Variants in INSL5 observed in about 807,000 individuals in gnomAD.
INSL5 encodes the protein insulin like 5, also known as insulin-like peptide INSL5.
A neutral mutation model predicts 4.3 loss-of-function variants in INSL5; 3 were observed. That is an observed-to-expected ratio of 0.70 (90% CI 0.32 to 1.82). The LOEUF is 1.82. INSL5 is among the 40% of genes most tolerant of loss of function. The probability of loss-of-function intolerance (pLI) is 0.08; values close to 1 mark genes in which losing one functional copy is unlikely to be tolerated. For synonymous variants in INSL5, 68 were observed against 56.6 expected (o/e 1.20, Z -0.90); for missense variants, 168 against 160.9 (o/e 1.04, Z -0.24).
In INSL5 at chr1:66,797,887, AAAG is replaced by A. The variant is rs1414989269; in HGVS notation, c.*123_*125del. 1.5e-6 allele frequency: 1 copy of A among 667,622 alleles called. No individual in the cohort carries two copies. Among genetic ancestry groups the A allele is most frequent in the Non-Finnish European group, 2.6e-6 (1 of 387,072 alleles). The allele number at this position is 667,622 out of a possible 1,614,324, so 41.4% of individuals were successfully genotyped here. A position where few individuals can be genotyped will look rare whatever the true frequency, so the allele number is the denominator to read the frequency against. On this transcript the variant is annotated 3_prime_UTR_variant, in exon 2 of 2. Coordinates refer to ENST00000304526, the MANE Select transcript of INSL5 (RefSeq NM_005478.6). Reference sequence around the variant, plus strand: ...CAACCGCTCAGCTATACCTTTTAGAAAAGAAGTTTTGCCTACCCAAAAGCCATC... The same window carrying A: ...CAACCGCTCAGCTATACCTTTTAGAAAAGTTTTGCCTACCCAAAAGCCATC...
chr1:66,799,005 A>G (rs1166269084), intron 1 of INSL5, among the ~76,000 whole-genome samples: 1 of 152,190 alleles, frequency 6.6e-6, no homozygotes, highest in African/African-American at 2.4e-5. Flanking sequence ...TTGGTTTGCT[A>G]TTACAGAGAT....
At chr1:66,800,985 G>C (rs1322778744) in intron 1 of INSL5, 62 bp downstream of exon 1, 18 of 1,267,072 alleles carry the variant, frequency 1.4e-5, no homozygotes, top group Non-Finnish European at 2.0e-5. Context: ...TTAAAACACA[G>C]CTTGAAAAAA....
At chr1:66,799,147 C>T (rs531515268) in intron 1 of INSL5, among the ~76,000 whole-genome samples, 72 of 152,262 alleles carry the variant, frequency 4.7e-4, no homozygotes, top group African/African-American at 1.7e-3. Context: ...TTTTTCAACA[C>T]ATTAGCCCAC....
rs933704824 is a variant in INSL5, at chr1:66,801,006, A to G, written c.175+41T>C. ...CACAGCTTGAAAAAATAAAAGAGAC[A>G]TGTGAAAGGAAAATAGAGGAGACAC... is the stretch of plus-strand genomic sequence containing the variant. On this transcript the variant is annotated intron_variant, in intron 1 of 1. Coordinates refer to ENST00000304526, the MANE Select transcript of INSL5 (RefSeq NM_005478.6). The G allele has an allele frequency of 5.6e-6, 8 of 1,425,674 alleles. No individual in the cohort carries two copies. The Admixed American group carries it at 8.3e-5, about 15-fold the overall frequency. 88.3% of individuals were successfully genotyped at this position (1,425,674 alleles called of 1,614,324 possible). A position where few individuals can be genotyped will look rare whatever the true frequency, so the allele number is the denominator to read the frequency against.
chr1:66,801,047 C>G lies in INSL5; in HGVS notation c.175G>C (p.Ala59Pro), dbSNP rs756036584. ...GAGGAGACACATGAGTTACTGTTAC[C>G]TTGCTGAGCTTGAGGGATCCCCTCC... ...HQEGIPQAQQ[A>P]ETGNSFQLPH... The change falls in exon 1 of 2, where the codon GCT (alanine) becomes CCT (proline). Residue 59 changes from alanine to proline, a missense_variant and splice_region_variant. Physicochemically the swap from Ala to Pro is conservative, Grantham distance 27. Transcript: ENST00000304526. 4 of 1,603,298 alleles carry G rather than the reference C, an allele frequency of 2.5e-6. No homozygotes were observed. Among genetic ancestry groups the G allele is most frequent in the Admixed American group, 3.4e-5 (2 of 58,244 alleles).
Position 66,798,022 on chromosome 1 carries a change from AG to A in INSL5, c.398del (p.Ala133ValfsTer35), listed in dbSNP as rs780814109. On this transcript the variant is annotated frameshift_variant, in exon 2 of 2. Transcript: ENST00000304526. LOFTEE classifies it high-confidence loss of function. The part of the protein sequence containing the change: ...TDGCSMTDLS[A>X]LC Reference sequence around the variant, plus strand: ...GGTATTTGCTCTTGTCTTAGCAAAGAGCACTCAAATCAGTCATGGAACAGCC... The same window carrying A: ...GGTATTTGCTCTTGTCTTAGCAAAGACACTCAAATCAGTCATGGAACAGCC... 10 of 1,612,124 alleles carry A rather than the reference AG, an allele frequency of 6.2e-6. No homozygotes were observed. Among genetic ancestry groups the A allele is most frequent in the Non-Finnish European group, 6.8e-6 (8 of 1,178,242 alleles).
At chr1:66,798,504 C>T (rs1279070741) in intron 1 of INSL5, among the ~76,000 whole-genome samples, 3 of 152,048 alleles carry the variant, frequency 2.0e-5, no homozygotes, top group Admixed American at 6.6e-5. Flanking sequence ...CTCAGCTAGT[C>T]GGGACTTGAC....
chr1:66,798,372 T>C (rs143411661), intron 1 of INSL5, 127 bp from the exon 2 acceptor site: 1 of 676,394 alleles, frequency 1.5e-6, no homozygotes. Context: ...CATAATTTTT[T>C]AAAATGTTGG....
In INSL5 at chr1:66,798,125, G is replaced by T; in HGVS notation, c.296C>A (p.Pro99His). ...CTTTGACTTCCAAAGCTCTTCAGTG[G>T]GCATCTGTCCACCCCAAAGACGGTC... The part of the protein sequence containing the change: ...GEDRLWGGQM[P>H]TEELWKSKKH... Residue 99 changes from proline to histidine, a missense_variant, in exon 2 of 2, where the codon CCC (proline) becomes CAC (histidine). By Grantham distance (77) the Pro-to-His change is moderately conservative. Coordinates refer to ENST00000304526, the MANE Select transcript of INSL5 (RefSeq NM_005478.6). 1 of 1,614,028 alleles carries T rather than the reference G, an allele frequency of 6.2e-7. No individual in the cohort carries two copies. The highest frequency in any genetic ancestry group is 8.5e-7 in the Non-Finnish European group (1 of 1,179,958).
rs772288196 is a variant in INSL5 at position 66,798,238 on chromosome 1, T to C, written c.183A>G (p.Thr61=). 2.0e-5 allele frequency: 33 copies of C among 1,613,162 alleles called. No individual in the cohort carries two copies. The highest frequency in any genetic ancestry group is 2.5e-5 in the Non-Finnish European group (30 of 1,179,272). ...EGIPQAQQAE[T]GNSFQLPHKR... is the part of the protein sequence containing the mutation. ...TATGTGGGAGCTGGAAGGAGTTTCC[T>C]GTCTCAGCTGTATGGAAGAGAAAAA... The change falls in exon 2 of 2, where the codon ACA becomes ACG. Residue 61 remains threonine, a synonymous_variant. Coordinates refer to ENST00000304526, the MANE Select transcript of INSL5 (RefSeq NM_005478.6).
chr1:66,799,663 C>T (rs1645362249), intron 1 of INSL5, among the ~76,000 whole-genome samples: 1 of 152,084 alleles, frequency 6.6e-6, no homozygotes, highest in Non-Finnish European at 1.5e-5. Flanking sequence ...TTTAGCTATT[C>T]CACATGTATA....
intron 1 of INSL5, among the ~76,000 whole-genome samples, chr1:66,798,666 T>C (rs1386440595): frequency 6.6e-6 from 1 of 152,188 alleles, no homozygotes; most frequent in Non-Finnish European, 1.5e-5. Context: ...CCTCTATATC[T>C]GAAAATAAAA....
At chr1:66,799,256 C>T (rs922962877) in intron 1 of INSL5, among the ~76,000 whole-genome samples, 3 of 152,276 alleles carry the variant, frequency 2.0e-5, no homozygotes, top group East Asian at 3.9e-4. Context: ...ATAGTCGCAA[C>T]ATTTATTATG....
chr1:66,799,619 G>C (rs1333173967), intron 1 of INSL5, among the ~76,000 whole-genome samples: 1 of 152,148 alleles, frequency 6.6e-6, no homozygotes, highest in East Asian at 1.9e-4. Flanking sequence ...AAAAACATAA[G>C]TATGTGAGGT....
At position 66,801,129 on chromosome 1, in the gene INSL5, T is replaced by C. The variant is rs1645373286; in HGVS notation, c.93A>G (p.Leu31=). 6.2e-7 allele frequency: 1 copy of C among 1,613,362 alleles called. No individual in the cohort carries two copies. Among genetic ancestry groups the C allele is most frequent in the Non-Finnish European group, 8.5e-7 (1 of 1,179,244 alleles). The change falls in exon 1 of 2, where the codon CTA becomes CTG. Residue 31 remains leucine, a synonymous_variant. Coordinates refer to ENST00000304526, the MANE Select transcript of INSL5 (RefSeq NM_005478.6). ...TATAGATGACTGTCCGTATGTATTC[T>C]AGCCCACAGAGTCTCACAGACTCCT... ...RSKESVRLCG[L]EYIRTVIYIC... is the part of the protein sequence containing the mutation.
chr1:66,800,404 C>CT (rs1645367741), intron 1 of INSL5, among the ~76,000 whole-genome samples: 1 of 152,104 alleles, frequency 6.6e-6, no homozygotes, highest in Non-Finnish European at 1.5e-5. Flanking sequence ...GTAACATTCT[C>CT]TTTCCCACCC....
At position 66,798,079 on chromosome 1, in the gene INSL5, T is replaced by C; in HGVS notation, c.342A>G (p.Arg114=). 6.2e-7 allele frequency: 1 copy of C among 1,614,148 alleles called. No individual in the cohort carries two copies. The highest frequency in any genetic ancestry group is 8.5e-7 in the Non-Finnish European group (1 of 1,180,022). ...WKSKKHSVMS[R]QDLQTLCCTD... ...TGCAACACAAAGTTTGTAAATCTTG[T>C]CTTGACATCACTGAATGCTTCTTTG... is the stretch of plus-strand genomic sequence containing the variant. Residue 114 remains arginine, a synonymous_variant, in exon 2 of 2, where the codon AGA becomes AGG. Coordinates refer to ENST00000304526, the MANE Select transcript of INSL5 (RefSeq NM_005478.6).
In INSL5 at chr1:66,798,131, T is replaced by C. The variant is rs763769348; in HGVS notation, c.290A>G (p.Gln97Arg). 11 of 1,614,126 alleles carry C rather than the reference T, an allele frequency of 6.8e-6. No homozygotes were observed. The South Asian group carries it at 1.2e-4, about 18-fold the overall frequency. ...CTTCCAAAGCTCTTCAGTGGGCATCTGTCCACCCCAAAGACGGTCTTCCCC... is the reference window on the plus strand; with the variant it reads ...CTTCCAAAGCTCTTCAGTGGGCATCCGTCCACCCCAAAGACGGTCTTCCCC... ...ASGEDRLWGG[Q>R]MPTEELWKSK... is the part of the protein sequence containing the mutation. Residue 97 changes from glutamine (Q) to arginine (R), a missense_variant, in exon 2 of 2, where the codon CAG (glutamine) becomes CGG (arginine). By Grantham distance (43) the Gln-to-Arg change is conservative (BLOSUM62 1). Coordinates refer to ENST00000304526, the MANE Select transcript of INSL5 (RefSeq NM_005478.6).
At chr1:66,799,548 A>T (rs1378449374) in intron 1 of INSL5, among the ~76,000 whole-genome samples, 1 of 152,196 alleles carries the variant, frequency 6.6e-6, no homozygotes, top group Non-Finnish European at 1.5e-5. Context: ...GACTATAGTT[A>T]ATAAAAATGC....
Sources: allele counts gnomAD v4.1 joint callset (sites outside exome capture counted in the v4.1 genomes callset), GRCh38; gene constraint gnomAD v4.1.1; transcripts MANE v1.5; gene names NCBI Gene and HGNC (gene_info 2026-07-23, HGNC 2026-07-21).